Variants in DIAPH3 observed in about 807,000 individuals in gnomAD.
DIAPH3 encodes diaphanous related formin 3.
Under a neutral mutation model 144.3 loss-of-function variants are expected in DIAPH3, and 117 were observed. That is an observed-to-expected ratio of 0.81 (90% CI 0.70 to 0.95). The LOEUF is 0.95. Ranked by LOEUF, DIAPH3 falls within the 40% of genes least tolerant of loss-of-function variation. The pLI, the probability that DIAPH3 is intolerant of heterozygous loss-of-function variation, is 0.00. For synonymous variants in DIAPH3, 519 were observed against 488.9 expected (o/e 1.06, Z -0.81); for missense variants, 1,421 against 1,412.7 (o/e 1.01, Z -0.09).
intron 17 of DIAPH3, among the ~76,000 whole-genome samples, chr13:59,967,877 G>A (rs572939892): frequency 5.3e-5 from 8 of 152,014 alleles, no homozygotes; most frequent in Admixed American, 5.2e-4. Flanking sequence ...CACTCTTTGT[G>A]TTCCCCCTGG....
chr13:59,888,310 C>A (rs992344142), intron 20 of DIAPH3, among the ~76,000 whole-genome samples: 6 of 152,024 alleles, frequency 3.9e-5, no homozygotes, highest in Admixed American at 2.0e-4. Flanking sequence ...AATAAGTGGG[C>A]CCTCACCAGA....
At chr13:59,750,638 A>T (rs548299277) in intron 27 of DIAPH3, among the ~76,000 whole-genome samples, 1 of 152,344 alleles carries the variant, frequency 6.6e-6, no homozygotes, top group African/African-American at 2.4e-5. Context: ...GGGAGTTACC[A>T]GTACAAACTG....
chr13:59,970,153 C>T, intron 16 of DIAPH3, 95 bp from the exon 17 acceptor site: 1 of 577,256 alleles, frequency 1.7e-6, no homozygotes, highest in East Asian at 3.3e-5. Flanking sequence ...TAGCTGTCAG[C>T]AGATATTTAT....
chr13:60,073,180 G>C (rs1374808598), intron 4 of DIAPH3, among the ~76,000 whole-genome samples: 1 of 151,942 alleles, frequency 6.6e-6, no homozygotes, highest in Non-Finnish European at 1.5e-5. Context: ...GTGGTGGCAG[G>C]TGCCTGTAAT....
At chr13:59,879,505 G>A in intron 20 of DIAPH3, 37 bp from the exon 21 acceptor site, 2 of 1,612,270 alleles carry the variant, frequency 1.2e-6, no homozygotes, top group Admixed American at 1.7e-5. Flanking sequence ...CCTTTAAAAT[G>A]CATGGTATAG....
rs2042114938 is a variant in DIAPH3 at position 59,837,760 on chromosome 13, ACC to A, written c.2862+1562_2862+1563del. 2.7e-5 allele frequency: 4 copies of A among 149,624 alleles called. No homozygotes were observed. The Admixed American group carries it at 2.7e-4, about 10-fold the overall frequency. The allele number at this position is 149,624 out of a possible 1,614,324, so 9.3% of individuals were successfully genotyped here. On this transcript the variant is annotated intron_variant, in intron 23 of 27. Coordinates refer to ENST00000400324, the MANE Select transcript of DIAPH3 (RefSeq NM_001042517.2). ...AAAATTTTTGATGAATACAGATTTC[ACC>A]TTTACTTAAAAAGAAAAAAAAAAAA...
chr13:59,895,806 A>T (rs2046060992), intron 20 of DIAPH3, among the ~76,000 whole-genome samples: 1 of 152,228 alleles, frequency 6.6e-6, no homozygotes, highest in Non-Finnish European at 1.5e-5. Context: ...CACAAGAATA[A>T]TGAGCCAGAC....
chr13:59,987,999 A>C (rs887860622), intron 12 of DIAPH3, among the ~76,000 whole-genome samples: 7 of 151,880 alleles, frequency 4.6e-5, no homozygotes, highest in East Asian at 3.9e-4. Context: ...TAAATTCTAA[A>C]GTGTGGGTCC....
At chr13:59,983,173 G>C (rs1391653188) in intron 13 of DIAPH3, among the ~76,000 whole-genome samples, 1 of 95,240 alleles carries the variant, frequency 1.0e-5, no homozygotes, top group Non-Finnish European at 2.1e-5. Context: ...TCAAGTTATA[G>C]AAGCCATCGT....
intron 21 of DIAPH3, among the ~76,000 whole-genome samples, chr13:59,862,772 C>T (rs546841144): frequency 6.6e-6 from 1 of 152,028 alleles, no homozygotes; most frequent in African/African-American, 2.4e-5. Flanking sequence ...TTCCTAACTG[C>T]ACCTATAAAA....
chr13:59,912,344 T>C (rs2047035651), intron 19 of DIAPH3, among the ~76,000 whole-genome samples: 1 of 152,144 alleles, frequency 6.6e-6, no homozygotes, highest in South Asian at 2.1e-4. Flanking sequence ...GATTACAGTT[T>C]TAATAATAAA....
chr13:59,907,491 CATATAA>C (rs2140214456), intron 20 of DIAPH3, among the ~76,000 whole-genome samples: 1 of 152,142 alleles, frequency 6.6e-6, no homozygotes, highest in Non-Finnish European at 1.5e-5. Flanking sequence ...AAACACAGGA[CATATAA>C]ATATATGATC....
chr13:59,987,475 TA>T (rs201333360), intron 12 of DIAPH3, among the ~76,000 whole-genome samples: 15,385 of 70,024 alleles, frequency 0.22, 1,128 homozygotes, highest in East Asian at 0.41. Flanking sequence ...TAAAGTATAA[TA>T]AAAAAAAAAA....
chr13:60,010,482 A>T, intron 8 of DIAPH3, 51 bp downstream of exon 8: 1 of 1,484,894 alleles, frequency 6.7e-7, no homozygotes, highest in Non-Finnish European at 9.2e-7. Flanking sequence ...TAAATGAATC[A>T]ATCTGTATTA....
chr13:59,992,014 G>T, intron 11 of DIAPH3, 54 bp downstream of exon 11: 1 of 1,423,968 alleles, frequency 7.0e-7, no homozygotes, highest in South Asian at 1.2e-5. Flanking sequence ...GAGTATTTTG[G>T]ATTTAGCAAT....
Position 59,715,879 on chromosome 13 carries a change from T to C in DIAPH3, c.3320-49033A>G, listed in dbSNP as rs551573560. ...CAGTGCCTGCTTGCAGATAAAACAT[T>C]TTTTTTAAGGTATGCAAGAAGATAA... On this transcript the variant is annotated intron_variant, in intron 27 of 27. Coordinates refer to ENST00000400324, the MANE Select transcript of DIAPH3 (RefSeq NM_001042517.2). Among the ~76,000 whole-genome samples the C allele has an allele frequency of 2.6e-5, 4 of 152,222 alleles. No homozygotes were observed. In the East Asian group the frequency reaches 5.8e-4, roughly 22 times the overall value.
intron 4 of DIAPH3, among the ~76,000 whole-genome samples, chr13:60,074,985 T>C (rs1270297262): frequency 7.9e-5 from 12 of 152,160 alleles, no homozygotes; most frequent in Admixed American, 2.6e-4. Context: ...TCTTATAAAA[T>C]AGGTTCAAAA....
In DIAPH3 at chr13:59,877,081, T is replaced by C. The variant is rs142817632; in HGVS notation, c.2607+2148A>G. 2.3e-3 allele frequency among the ~76,000 whole-genome samples: 348 copies of C among 152,266 alleles called. 7 individuals are homozygous for C. Among genetic ancestry groups the C allele is most frequent in the Middle Eastern group, 3.4e-3 (1 of 294 alleles). ...ACTCCATCATCTCAAAACACAGTGA[T>C]AGCTACTTAGTGGACACTCAAACCT... On this transcript the variant is annotated intron_variant, in intron 21 of 27. Coordinates refer to ENST00000400324, the MANE Select transcript of DIAPH3 (RefSeq NM_001042517.2).
intron 27 of DIAPH3, among the ~76,000 whole-genome samples, chr13:59,770,213 A>G (rs1287981441): frequency 6.6e-6 from 1 of 152,158 alleles, no homozygotes; most frequent in Non-Finnish European, 1.5e-5. Context: ...CTGGAACTTT[A>G]GCAACTGGCA....
Sources: allele counts gnomAD v4.1 joint callset (sites outside exome capture counted in the v4.1 genomes callset), GRCh38; gene constraint gnomAD v4.1.1; transcripts MANE v1.5; gene names NCBI Gene and HGNC (gene_info 2026-07-23, HGNC 2026-07-21).